Variants in TUBA1A observed in about 807,000 individuals in gnomAD.
The protein encoded by TUBA1A is tubulin alpha-1A chain.
In TUBA1A, 7 loss-of-function variants were observed where a neutral mutation model predicts 34.6. The ratio of observed to expected loss-of-function variants is 0.20; its 90% CI spans 0.11 to 0.38. The LOEUF (loss-of-function observed/expected upper bound fraction) is 0.38. Ranked by LOEUF, TUBA1A falls within the 10% of genes least tolerant of loss-of-function variation. TUBA1A has a pLI of 1.00. For missense variants in TUBA1A, 19 were observed against 581.3 expected (o/e 0.03, Z 9.95); for synonymous variants, 193 against 210.2 (o/e 0.92, Z 0.71).
chr12:49,186,199 T>C lies in TUBA1A; in HGVS notation c.375+111A>G. 6.2e-7 allele frequency: 1 copy of C among 1,604,154 alleles called. No homozygotes were observed. Among genetic ancestry groups the C allele is most frequent in the Non-Finnish European group, 8.5e-7 (1 of 1,173,950 alleles). ...TTAAAAACCCCAAAAGAATGACTCA[T>C]TCCACTCTTTATTAAAATAACAGTT... is the stretch of plus-strand genomic sequence containing the variant. On this transcript the variant is annotated intron_variant, in intron 3 of 3. Transcript: ENST00000301071. The surrounding 1 kb of genome is among the most constrained non-coding windows in gnomAD (Gnocchi z 6.6).
chr12:49,188,516 CT>C lies in TUBA1A; in HGVS notation c.3+460del, dbSNP rs1942211841. ...AGGCTGCGCTTTGTTCCCGTTCCCC[CT>C]CCCACGTCCCCCAGCTCGCCCAACG... On this transcript the variant is annotated intron_variant, in intron 1 of 3. Coordinates refer to ENST00000301071, the MANE Select transcript of TUBA1A (RefSeq NM_006009.4). This position sits in a 1 kb window ranked among gnomAD's most constrained non-coding sequence, Gnocchi z 4.9. The C allele has an allele frequency of 6.6e-7, 1 of 1,516,818 alleles. No homozygotes were observed. Among genetic ancestry groups the C allele is most frequent in the Non-Finnish European group, 8.8e-7 (1 of 1,133,688 alleles). 94.0% of individuals were successfully genotyped at this position (1,516,818 alleles called of 1,614,324 possible). A position where few individuals can be genotyped will look rare whatever the true frequency, so the allele number is the denominator to read the frequency against.
At chr12:49,187,132 C>A in intron 1 of TUBA1A, 1 of 1,265,588 alleles carries the variant, frequency 7.9e-7, no homozygotes, top group Non-Finnish European at 1.0e-6. Flanking sequence ...GTATTCAAAG[C>A]ACAAATTTTG....
rs1162530177 is a variant in TUBA1A at position 49,188,036 on chromosome 12, A to ACACACACG, written c.3+940_3+941insCGTGTGTG. Reference sequence around the variant, plus strand: ...GACAGACAGACAGACACACACACACACACACACACACTTCAGTCGGTCAGG... The same window carrying ACACACACG: ...GACAGACAGACAGACACACACACACACACACACGCACACACACACTTCAGTCGGTCAGG... On this transcript the variant is annotated intron_variant, in intron 1 of 3. Transcript: ENST00000301071. This position sits in a 1 kb window ranked among gnomAD's most constrained non-coding sequence, Gnocchi z 4.9. 4 of 959,146 alleles carry ACACACACG rather than the reference A, an allele frequency of 4.2e-6. No individual in the cohort carries two copies. The African/African-American group carries it at 7.4e-5, about 18-fold the overall frequency. The allele number at this position is 959,146 out of a possible 1,614,324, so 59.4% of individuals were successfully genotyped here. A position where few individuals can be genotyped will look rare whatever the true frequency, so the allele number is the denominator to read the frequency against.
Position 49,188,270 on chromosome 12 carries a change from G to T in TUBA1A, c.3+707C>A, listed in dbSNP as rs988206489. 1 of 1,363,808 alleles carries T rather than the reference G, an allele frequency of 7.3e-7. No homozygotes were observed. Among genetic ancestry groups the T allele is most frequent in the East Asian group, 2.8e-5 (1 of 35,638 alleles). The allele number at this position is 1,363,808 out of a possible 1,614,324, so 84.5% of individuals were successfully genotyped here. On this transcript the variant is annotated intron_variant, in intron 1 of 3. Coordinates refer to ENST00000301071, the MANE Select transcript of TUBA1A (RefSeq NM_006009.4). The surrounding 1 kb of genome is among the most constrained non-coding windows in gnomAD (Gnocchi z 4.9). Reference sequence around the variant, plus strand: ...TTCCGCAATGATGAAAGGTTTTTTTGTTTTTTTTTCAGTCAGCTCCTGACA... The same window carrying T: ...TTCCGCAATGATGAAAGGTTTTTTTTTTTTTTTTTCAGTCAGCTCCTGACA...
At position 49,189,043 on chromosome 12, in the gene TUBA1A, CA is replaced by C; in HGVS notation, c.-65del. ...GAAGAGGAGAGGTTGTTGCTTCTTA[CA>C]GCGCGACTCTTAGGCGGTCGATGTA... On this transcript the variant is annotated 5_prime_UTR_variant, in exon 1 of 4. Coordinates refer to ENST00000301071, the MANE Select transcript of TUBA1A (RefSeq NM_006009.4). 6.2e-7 allele frequency: 1 copy of C among 1,608,906 alleles called. No homozygotes were observed. Among genetic ancestry groups the C allele is most frequent in the South Asian group, 1.1e-5 (1 of 90,994 alleles).
Position 49,188,929 on chromosome 12 carries a change from G to T in TUBA1A, c.3+48C>A. On this transcript the variant is annotated intron_variant, in intron 1 of 3. Transcript: ENST00000301071. The surrounding 1 kb of genome is among the most constrained non-coding windows in gnomAD (Gnocchi z 4.9). ...AAAGGTTTTCCAAGTAGAGCCTGGGGGCGCTGACTCCACCCAACGGCCACA... is the reference window on the plus strand; with the variant it reads ...AAAGGTTTTCCAAGTAGAGCCTGGGTGCGCTGACTCCACCCAACGGCCACA... 1 of 1,614,140 alleles carries T rather than the reference G, an allele frequency of 6.2e-7. No homozygotes were observed. Among genetic ancestry groups the T allele is most frequent in the Non-Finnish European group, 8.5e-7 (1 of 1,180,040 alleles).
At chr12:49,187,311 T>TC (rs1219762526) in intron 1 of TUBA1A, 1 of 1,063,426 alleles carries the variant, frequency 9.4e-7, no homozygotes, top group African/African-American at 1.7e-5. Context: ...GTCTGCAGAA[T>TC]CCATCAATAC....
chr12:49,188,579 C>A lies in TUBA1A; in HGVS notation c.3+398G>T. Reference sequence around the variant, plus strand: ...TTTGGGTGCCTCCTCCTCTCCCGGTCCCCAGAGAACAACGCGAGACAGAAA... The same window carrying A: ...TTTGGGTGCCTCCTCCTCTCCCGGTACCCAGAGAACAACGCGAGACAGAAA... On this transcript the variant is annotated intron_variant, in intron 1 of 3. Transcript: ENST00000301071. This position sits in a 1 kb window ranked among gnomAD's most constrained non-coding sequence, Gnocchi z 4.9. 1 of 1,463,194 alleles carries A rather than the reference C, an allele frequency of 6.8e-7. No individual in the cohort carries two copies. Among genetic ancestry groups the A allele is most frequent in the South Asian group, 1.4e-5 (1 of 73,094 alleles). The allele number at this position is 1,463,194 out of a possible 1,614,324, so 90.6% of individuals were successfully genotyped here.
Position 49,188,168 on chromosome 12 carries a change from T to C in TUBA1A, c.3+809A>G, listed in dbSNP as rs976292673. 2 of 983,378 alleles carry C rather than the reference T, an allele frequency of 2.0e-6. No individual in the cohort carries two copies. The highest frequency in any genetic ancestry group is 3.5e-5 in the African/African-American group (2 of 56,378). The allele number at this position is 983,378 out of a possible 1,614,324, so 60.9% of individuals were successfully genotyped here. Reference sequence around the variant, plus strand: ...ACCAGACATTAAAGAGCTTGTGAAGTGAATTATGATTTTGCTCAAGAAAAA... The same window carrying C: ...ACCAGACATTAAAGAGCTTGTGAAGCGAATTATGATTTTGCTCAAGAAAAA... On this transcript the variant is annotated intron_variant, in intron 1 of 3. Coordinates refer to ENST00000301071, the MANE Select transcript of TUBA1A (RefSeq NM_006009.4). This position sits in a 1 kb window ranked among gnomAD's most constrained non-coding sequence, Gnocchi z 4.9.
rs1942177750 is a variant in TUBA1A, at chr12:49,186,136, T to A, written c.376-146A>T. ...CTTTTTAAAAAATTCTCATTAACAT[T>A]TACAAAATGACATCAAATAGTTCAT... On this transcript the variant is annotated intron_variant, in intron 3 of 3. Coordinates refer to ENST00000301071, the MANE Select transcript of TUBA1A (RefSeq NM_006009.4). The surrounding 1 kb of genome is among the most constrained non-coding windows in gnomAD (Gnocchi z 6.6). 37 of 1,523,940 alleles carry A rather than the reference T, an allele frequency of 2.4e-5. No homozygotes were observed. The highest frequency in any genetic ancestry group is 3.2e-5 in the Non-Finnish European group (36 of 1,131,228). 94.4% of individuals were successfully genotyped at this position (1,523,940 alleles called of 1,614,324 possible). A position where few individuals can be genotyped will look rare whatever the true frequency, so the allele number is the denominator to read the frequency against.
At chr12:49,187,957 G>A in intron 1 of TUBA1A, 1 of 984,422 alleles carries the variant, frequency 1.0e-6, no homozygotes, top group African/African-American at 1.8e-5. Context: ...CTGACCATCA[G>A]GGTACCCTGG....
At position 49,185,985 on chromosome 12, in the gene TUBA1A, G is replaced by A. The variant is rs1565627390; in HGVS notation, c.381C>T (p.Asp127=). 6.2e-7 allele frequency: 1 copy of A among 1,614,040 alleles called. No individual in the cohort carries two copies. Among genetic ancestry groups the A allele is most frequent in the Non-Finnish European group, 8.5e-7 (1 of 1,180,042 alleles). The change falls in exon 4 of 4, where the codon GAC becomes GAT. Residue 127 remains aspartate, a synonymous_variant. Transcript: ENST00000301071. ...LVLDRIRKLA[D]QCTGLQGFLV... ...AGAAGCCCTGGAGACCCGTGCACTG[G>A]TCGGCCTATAACAAAAGAGAGGAAC...
Position 49,188,518 on chromosome 12 carries a change from C to T in TUBA1A, c.3+459G>A. 1 of 1,515,152 alleles carries T rather than the reference C, an allele frequency of 6.6e-7. No homozygotes were observed. Among genetic ancestry groups the T allele is most frequent in the Non-Finnish European group, 8.8e-7 (1 of 1,132,750 alleles). The allele number at this position is 1,515,152 out of a possible 1,614,324, so 93.9% of individuals were successfully genotyped here. On this transcript the variant is annotated intron_variant, in intron 1 of 3. Coordinates refer to ENST00000301071, the MANE Select transcript of TUBA1A (RefSeq NM_006009.4). This position sits in a 1 kb window ranked among gnomAD's most constrained non-coding sequence, Gnocchi z 4.9. ...GCTGCGCTTTGTTCCCGTTCCCCCTCCCACGTCCCCCAGCTCGCCCAACGC... is the reference window on the plus strand; with the variant it reads ...GCTGCGCTTTGTTCCCGTTCCCCCTTCCACGTCCCCCAGCTCGCCCAACGC...
In TUBA1A at chr12:49,188,256, T is replaced by C; in HGVS notation, c.3+721A>G. 3 of 984,738 alleles carry C rather than the reference T, an allele frequency of 3.0e-6. No individual in the cohort carries two copies. Among genetic ancestry groups the C allele is most frequent in the Non-Finnish European group, 3.6e-6 (3 of 829,390 alleles). 61.0% of individuals were successfully genotyped at this position (984,738 alleles called of 1,614,324 possible). ...TTTGGAGCCTACAGTTCCGCAATGA[T>C]GAAAGGTTTTTTTGTTTTTTTTTCA... On this transcript the variant is annotated intron_variant, in intron 1 of 3. Transcript: ENST00000301071. The surrounding 1 kb of genome is among the most constrained non-coding windows in gnomAD (Gnocchi z 4.9).
chr12:49,185,312 T>A lies in TUBA1A; in HGVS notation c.1054A>T (p.Lys352Ter). The change falls in exon 4 of 4, where the codon AAG (lysine) becomes TAG (stop). Residue 352 changes from lysine (K) to a stop codon, truncating the protein, a stop_gained. Transcript: ENST00000301071. LOFTEE classifies it high-confidence loss of function. ...GGAGGCTGGTAGTTGATGCCAACCT[T>A]GAAGCCAGTGGGGCACCAATCCACA... ...QFVDWCPTGF[K>*]VGINYQPPTV... The A allele has an allele frequency of 6.2e-7, 1 of 1,614,174 alleles. No individual in the cohort carries two copies.
chr12:49,188,818 GC>G lies in TUBA1A; in HGVS notation c.3+158del. On this transcript the variant is annotated intron_variant, in intron 1 of 3. Coordinates refer to ENST00000301071, the MANE Select transcript of TUBA1A (RefSeq NM_006009.4). The surrounding 1 kb of genome is among the most constrained non-coding windows in gnomAD (Gnocchi z 4.9). ...TTCCTGCACCCGCACTGCGGCGGCG[GC>G]GGGGCTTGAGGATTTGGGGCTAAGC... The G allele has an allele frequency of 1.9e-6, 3 of 1,599,064 alleles. No individual in the cohort carries two copies. In the South Asian group the frequency reaches 3.3e-5, roughly 18 times the overall value.
chr12:49,185,999 A>G lies in TUBA1A; in HGVS notation c.376-9T>C, dbSNP rs374293201. Reference sequence around the variant, plus strand: ...CCCGTGCACTGGTCGGCCTATAACAAAAGAGAGGAACAGAGGAAAGGTTAA... The same window carrying G: ...CCCGTGCACTGGTCGGCCTATAACAGAAGAGAGGAACAGAGGAAAGGTTAA... On this transcript the variant is annotated splice_polypyrimidine_tract_variant and intron_variant, in intron 3 of 3. Transcript: ENST00000301071. 9.1e-5 allele frequency: 147 copies of G among 1,613,954 alleles called. No homozygotes were observed. Among genetic ancestry groups the G allele is most frequent in the Non-Finnish European group, 1.2e-4 (144 of 1,179,980 alleles).
chr12:49,188,021 C>A lies in TUBA1A; in HGVS notation c.3+956G>T. On this transcript the variant is annotated intron_variant, in intron 1 of 3. Transcript: ENST00000301071. This position sits in a 1 kb window ranked among gnomAD's most constrained non-coding sequence, Gnocchi z 4.9. Reference sequence around the variant, plus strand: ...TGAACGTGCAGTCCAGACAGACAGACAGACACACACACACACACACACACA... The same window carrying A: ...TGAACGTGCAGTCCAGACAGACAGAAAGACACACACACACACACACACACA... 2.0e-6 allele frequency: 2 copies of A among 977,976 alleles called. No homozygotes were observed. Among genetic ancestry groups the A allele is most frequent in the Non-Finnish European group, 2.4e-6 (2 of 827,326 alleles). The allele number at this position is 977,976 out of a possible 1,614,324, so 60.6% of individuals were successfully genotyped here.
rs140737357 is a variant in TUBA1A at position 49,185,271 on chromosome 12, A to G, written c.1095T>C (p.Gly365=). ...INYQPPTVVP[G]GDLAKVQRAV... ...CTCTCTGTACCTTGGCCAGGTCTCC[A>G]CCAGGCACCACAGTGGGAGGCTGGT... The change falls in exon 4 of 4, where the codon GGT becomes GGC. Residue 365 remains glycine, a synonymous_variant. Coordinates refer to ENST00000301071, the MANE Select transcript of TUBA1A (RefSeq NM_006009.4). 22 of 1,614,054 alleles carry G rather than the reference A, an allele frequency of 1.4e-5. No homozygotes were observed. In the South Asian group the frequency reaches 2.0e-4, roughly 14 times the overall value.
Sources: gnomAD v4.1 joint callset for allele counts on GRCh38, gnomAD v4.1.1 for gene constraint, Gnocchi (gnomAD v3.1) non-coding constraint, MANE v1.5 for transcripts, NCBI Gene and HGNC (gene_info 2026-07-23, HGNC 2026-07-21) for gene names.